Variants in ERI1 observed in about 807,000 individuals in gnomAD.
ERI1 encodes the protein exoribonuclease 1.
In ERI1, 39 loss-of-function variants were observed where a neutral mutation model predicts 39.7. The observed-to-expected ratio is 0.98, with a 90% confidence interval of 0.76 to 1.28. ERI1 has a LOEUF of 1.28. Among genes scored for constraint, ERI1 ranks in the 50% most tolerant of loss-of-function variants. The pLI is 0.00. For synonymous variants in ERI1, 204 were observed against 149.6 expected, an observed-to-expected ratio of 1.36 and a Z score of -2.65; for missense variants, 581 against 416.9, an observed-to-expected ratio of 1.39 and a Z score of -3.43.
chr8:9,045,540 T>G (rs184564079), intron 3 of ERI1, among the ~76,000 whole-genome samples: 2 of 152,182 alleles, frequency 1.3e-5, no homozygotes, highest in African/African-American at 4.8e-5. Context: ...CTCATGCCTG[T>G]AATCTCAGCT....
intron 5 of ERI1, 146 bp downstream of exon 5, chr8:9,018,552 T>C: frequency 1.9e-6 from 1 of 533,838 alleles, no homozygotes; most frequent in Non-Finnish European, 3.3e-6. Flanking sequence ...TCCTTTCACC[T>C]AAGGATGAAA....
intron 3 of ERI1, among the ~76,000 whole-genome samples, chr8:9,050,899 C>T (rs992073282): frequency 2.0e-5 from 3 of 152,042 alleles, no homozygotes; most frequent in Non-Finnish European, 4.4e-5. Context: ...CAGGGCAGCA[C>T]CTTTGGATGG....
Position 9,067,527 on chromosome 8 carries a change from C to T in ERI1, n.299+47063C>T, listed in dbSNP as rs145803228. ...AAAATTAGCTGGGCATGGTGGCATA[C>T]ACCTATTGTCCTAGCTACTTAGGAG... On this transcript the variant is annotated intron_variant and non_coding_transcript_variant, in intron 3 of 3. Coordinates refer to the ERI1 transcript ENST00000518663. Among the ~76,000 whole-genome samples the T allele has an allele frequency of 3.0e-3, 457 of 151,980 alleles. 2 individuals are homozygous for T. Among genetic ancestry groups the T allele is most frequent in the Non-Finnish European group, 4.7e-3 (321 of 67,952 alleles).
At chr8:9,071,423 A>G (rs1373429739) in intron 3 of ERI1, among the ~76,000 whole-genome samples, 1 of 152,264 alleles carries the variant, frequency 6.6e-6, no homozygotes, top group Non-Finnish European at 1.5e-5. Context: ...ATTAAAAGCA[A>G]CAAGTATTTA....
intron 3 of ERI1, among the ~76,000 whole-genome samples, chr8:9,090,200 C>T (rs1316154634): frequency 1.3e-5 from 2 of 152,018 alleles, no homozygotes; most frequent in Non-Finnish European, 2.9e-5. Flanking sequence ...TATGCAGAAA[C>T]TCCACTGCTT....
At chr8:9,099,620 G>C (rs1045343808) in intron 3 of ERI1, among the ~76,000 whole-genome samples, 2 of 143,316 alleles carry the variant, frequency 1.4e-5, no homozygotes, top group Non-Finnish European at 3.0e-5. Context: ...AAAAAAGAAA[G>C]AAACAGAAAC....
intron 3 of ERI1, among the ~76,000 whole-genome samples, chr8:9,065,290 G>C (rs569903483): frequency 7.9e-5 from 12 of 152,120 alleles, no homozygotes; most frequent in Non-Finnish European, 1.6e-4. Flanking sequence ...CTTTCTACGA[G>C]GTTTCTTTTG....
At chr8:9,025,828 T>C (rs564948512) in intron 6 of ERI1, among the ~76,000 whole-genome samples, 6 of 152,214 alleles carry the variant, frequency 3.9e-5, no homozygotes, top group African/African-American at 1.4e-4. Flanking sequence ...TTGGAATATT[T>C]GCATATACAT....
chr8:9,090,970 G>A (rs1316055807), intron 3 of ERI1, among the ~76,000 whole-genome samples: 1 of 152,088 alleles, frequency 6.6e-6, no homozygotes, highest in Non-Finnish European at 1.5e-5. Context: ...AGCATTTAAG[G>A]AGCTAGAAAA....
chr8:9,088,634 G>C (rs920983006), intron 3 of ERI1: 15 of 152,342 alleles, frequency 9.8e-5, no homozygotes, highest in African/African-American at 3.6e-4. Context: ...TGGCGCAGAG[G>C]GGGAGCAATG....
At chr8:9,042,097 C>T (rs935347643) in intron 3 of ERI1, among the ~76,000 whole-genome samples, 21 of 152,260 alleles carry the variant, frequency 1.4e-4, no homozygotes, top group African/African-American at 3.4e-4. Flanking sequence ...AAGAACAAAC[C>T]AAACCCACCT....
chr8:9,041,492 C>A (rs751526779), intron 3 of ERI1, among the ~76,000 whole-genome samples: 5 of 152,178 alleles, frequency 3.3e-5, no homozygotes, highest in African/African-American at 7.2e-5. Context: ...AACATCTTAT[C>A]TGACTACAAC....
chr8:9,006,404 G>A (rs1314273309), intron 1 of ERI1, among the ~76,000 whole-genome samples: 1 of 152,206 alleles, frequency 6.6e-6, no homozygotes, highest in African/African-American at 2.4e-5. Context: ...AGTTTAGGAT[G>A]AGAATTAACC....
In ERI1 at chr8:9,003,052, G is replaced by C; in HGVS notation, c.-12G>C. The C allele has an allele frequency of 8.0e-7, 1 of 1,245,120 alleles. No individual in the cohort carries two copies. Among genetic ancestry groups the C allele is most frequent in the Non-Finnish European group, 1.0e-6 (1 of 986,088 alleles). The allele number at this position is 1,245,120 out of a possible 1,614,324, so 77.1% of individuals were successfully genotyped here. ...CCGGCTCCAGCAACTCTCCTCTGGC[G>C]TGACAGCCGGCATGGAGGATCCACA... is the stretch of plus-strand genomic sequence containing the variant. On this transcript the variant is annotated 5_prime_UTR_variant, in exon 1 of 7. Coordinates refer to ENST00000250263, the MANE Select transcript of ERI1 (RefSeq NM_153332.4).
At chr8:9,048,829 G>T (rs543365519) in intron 3 of ERI1, among the ~76,000 whole-genome samples, 243 of 152,000 alleles carry the variant, frequency 1.6e-3, no homozygotes, top group African/African-American at 5.6e-3. Flanking sequence ...TATTTTTAGT[G>T]GAGATGGGGT....
At chr8:9,055,115 C>T (rs903562624) in intron 3 of ERI1, among the ~76,000 whole-genome samples, 3 of 152,068 alleles carry the variant, frequency 2.0e-5, no homozygotes, top group Non-Finnish European at 4.4e-5. Flanking sequence ...CAGCACAGCC[C>T]CGTGGTGGAA....
chr8:9,005,174 T>A (rs1815851969), intron 1 of ERI1, among the ~76,000 whole-genome samples: 1 of 152,216 alleles, frequency 6.6e-6, no homozygotes, highest in Non-Finnish European at 1.5e-5. Flanking sequence ...AGAAAAATTC[T>A]AAGTTTTTTT....
At chr8:9,044,188 C>T (rs1246701600) in intron 3 of ERI1, among the ~76,000 whole-genome samples, 2 of 152,166 alleles carry the variant, frequency 1.3e-5, no homozygotes, top group African/African-American at 4.8e-5. Flanking sequence ...TAAGATAAAA[C>T]ATCTTCAAAT....
chr8:9,060,091 A>C (rs995134169), intron 3 of ERI1, among the ~76,000 whole-genome samples: 10 of 152,204 alleles, frequency 6.6e-5, no homozygotes, highest in Non-Finnish European at 1.2e-4. Context: ...TTAAAAGACC[A>C]TTAGTCCGTT....
Sources: gnomAD v4.1 joint callset for allele counts (sites outside exome capture counted in the v4.1 genomes callset) on GRCh38, gnomAD v4.1.1 for gene constraint, MANE v1.5 for transcripts, NCBI Gene and HGNC (gene_info 2026-07-23, HGNC 2026-07-21) for gene names.